ARHGAP22: variants seen among roughly 807,000 people sequenced by gnomAD.
The protein encoded by ARHGAP22 is Rho GTPase activating protein 22.
In ARHGAP22, 48 loss-of-function variants were observed where a neutral mutation model predicts 59.1. That is an observed-to-expected ratio of 0.81 (90% confidence interval 0.64 to 1.03). The LOEUF (loss-of-function observed/expected upper bound fraction) is 1.03, where lower values mean the gene tolerates loss of function less well. Ranked by LOEUF, ARHGAP22 falls within the 50% of genes least tolerant of loss-of-function variation. ARHGAP22 has a pLI of 0.00. For missense variants in ARHGAP22, 1,015 were observed against 958.7 expected (o/e 1.06, Z -0.78); for synonymous variants, 445 against 416.4 (o/e 1.07, Z -0.84).
chr10:48,604,955 T>A lies in ARHGAP22; in HGVS notation c.-159A>T. On this transcript the variant is annotated 5_prime_UTR_variant, in exon 1 of 10. Transcript: ENST00000249601. ...GGCTCCCTCGGCTACCTCTCCTGGC[T>A]CCGGACGGACGGCTCGCCTTGGACT... is the stretch of plus-strand genomic sequence containing the variant. The A allele has an allele frequency of 6.6e-7, 1 of 1,519,066 alleles. No individual in the cohort carries two copies. The highest frequency in any genetic ancestry group is 1.2e-5 in the South Asian group (1 of 82,108). 94.1% of individuals were successfully genotyped at this position (1,519,066 alleles called of 1,614,324 possible).
chr10:48,455,729 G>T (rs2046432858), intron 5 of ARHGAP22, among the ~76,000 whole-genome samples: 1 of 152,246 alleles, frequency 6.6e-6, no homozygotes, highest in East Asian at 1.9e-4. Flanking sequence ...GCCCGAGCTT[G>T]CCCTCTCCAC....
At chr10:48,551,830 A>T (rs1386639956) in intron 3 of ARHGAP22, among the ~76,000 whole-genome samples, 4 of 152,234 alleles carry the variant, frequency 2.6e-5, no homozygotes. Flanking sequence ...AAGACCTCCC[A>T]GCCCAGATGG....
At chr10:48,588,900 C>T (rs370408219) in intron 1 of ARHGAP22, among the ~76,000 whole-genome samples, 14 of 152,266 alleles carry the variant, frequency 9.2e-5, no homozygotes, top group African/African-American at 3.4e-4. Flanking sequence ...CCCTCCACCC[C>T]GTGGAGGGAG....
chr10:48,632,006 G>T (rs908087029), intron 1 of ARHGAP22, among the ~76,000 whole-genome samples: 6 of 152,084 alleles, frequency 3.9e-5, no homozygotes, highest in African/African-American at 1.4e-4. Flanking sequence ...TGGGGTACAG[G>T]TGGTTTTGGT....
intron 1 of ARHGAP22, among the ~76,000 whole-genome samples, chr10:48,618,928 A>T (rs867131490): frequency 7.2e-5 from 11 of 152,162 alleles, no homozygotes; most frequent in Admixed American, 2.0e-4. Flanking sequence ...TTTGCAAATG[A>T]CATGATCTTA....
At chr10:48,627,666 C>T (rs776074403) in intron 1 of ARHGAP22, among the ~76,000 whole-genome samples, 3 of 152,248 alleles carry the variant, frequency 2.0e-5, no homozygotes, top group Non-Finnish European at 4.4e-5. Flanking sequence ...CAGCATCTTG[C>T]TCTTCTGGTC....
intron 3 of ARHGAP22, among the ~76,000 whole-genome samples, chr10:48,549,585 A>G (rs1318507357): frequency 6.6e-6 from 1 of 152,172 alleles, no homozygotes; most frequent in Non-Finnish European, 1.5e-5. Context: ...TTTCTGCTGC[A>G]GAGACCTCAC....
At chr10:48,578,138 C>A (rs935292) in intron 2 of ARHGAP22, among the ~76,000 whole-genome samples, 1 of 152,072 alleles carries the variant, frequency 6.6e-6, no homozygotes, top group Non-Finnish European at 1.5e-5. Flanking sequence ...TTAACCTTCA[C>A]CCAGTGCTCC....
intron 1 of ARHGAP22, among the ~76,000 whole-genome samples, chr10:48,641,586 G>T (rs553992958): frequency 1.3e-5 from 2 of 152,202 alleles, no homozygotes; most frequent in African/African-American, 4.8e-5. Context: ...GTATTGATGG[G>T]ACGTATCTCA....
At chr10:48,451,629 C>A (rs1398370537) in intron 8 of ARHGAP22, 13 of 685,786 alleles carry the variant, frequency 1.9e-5, no homozygotes, top group South Asian at 1.4e-4. Flanking sequence ...CACACACATA[C>A]AATTGCACAC....
chr10:48,446,231 G>T lies in ARHGAP22; in HGVS notation c.*160C>A. Reference sequence around the variant, plus strand: ...CATCTGATCCCACCTGGAGTGTGTGGGGTCCCAAAAGTCCCCACAGTCCCC... The same window carrying T: ...CATCTGATCCCACCTGGAGTGTGTGTGGTCCCAAAAGTCCCCACAGTCCCC... On this transcript the variant is annotated 3_prime_UTR_variant, in exon 10 of 10. Coordinates refer to ENST00000249601, the MANE Select transcript of ARHGAP22 (RefSeq NM_021226.4). The T allele has an allele frequency of 1.4e-6, 1 of 706,306 alleles. No individual in the cohort carries two copies. Among genetic ancestry groups the T allele is most frequent in the Non-Finnish European group, 2.3e-6 (1 of 427,336 alleles). 43.8% of individuals were successfully genotyped at this position (706,306 alleles called of 1,614,324 possible).
Position 48,450,454 on chromosome 10 carries a change from C to T in ARHGAP22, c.1675G>A (p.Glu559Lys), listed in dbSNP as rs1003561932. Residue 559 changes from glutamate to lysine, a missense_variant, in exon 9 of 10, where the codon GAG (glutamate) becomes AAG (lysine). By Grantham distance (56) the Glu-to-Lys change is moderately conservative. Coordinates refer to ENST00000249601, the MANE Select transcript of ARHGAP22 (RefSeq NM_021226.4). The part of the protein sequence containing the change: ...LEPSPLPSSS[E>K]DPKSLDLDHS... ...TCCAGGTCCAGGGACTTGGGGTCCT[C>T]GCTGCTGCTGGGGAGCGGGGAGGGC... The T allele has an allele frequency of 6.4e-7, 1 of 1,550,896 alleles. No homozygotes were observed. The highest frequency in any genetic ancestry group is 1.2e-5 in the South Asian group (1 of 83,398).
upstream of ARHGAP22, among the ~76,000 whole-genome samples, chr10:48,605,366 C>G (rs1476648908): frequency 6.7e-6 from 1 of 148,256 alleles, no homozygotes. Context: ...CCACGGGGAC[C>G]CGCTTATGAG....
At chr10:48,554,517 T>C (rs1487841823) in intron 3 of ARHGAP22, among the ~76,000 whole-genome samples, 1 of 152,188 alleles carries the variant, frequency 6.6e-6, no homozygotes, top group Non-Finnish European at 1.5e-5. Flanking sequence ...TCCTCAGCAC[T>C]CACTGTTCCC....
intron 1 of ARHGAP22, among the ~76,000 whole-genome samples, chr10:48,591,628 G>C (rs1267218269): frequency 2.0e-5 from 3 of 152,044 alleles, no homozygotes; most frequent in Non-Finnish European, 2.9e-5. Flanking sequence ...GTAATCCTAA[G>C]TCACATATAG....
At chr10:48,634,281 C>T (rs74130600) in intron 1 of ARHGAP22, among the ~76,000 whole-genome samples, 1 of 152,138 alleles carries the variant, frequency 6.6e-6, no homozygotes, top group Non-Finnish European at 1.5e-5. Flanking sequence ...TAGCTGTGAG[C>T]TTTTGGCAAG....
intron 3 of ARHGAP22, among the ~76,000 whole-genome samples, 162 bp downstream of exon 3, chr10:48,555,301 C>G (rs528826501): frequency 3.3e-5 from 5 of 152,212 alleles, no homozygotes; most frequent in African/African-American, 1.2e-4. Context: ...AATTTCTTCC[C>G]CATGTGAGTA....
At chr10:48,436,970 A>T in the ARHGAP22 span, 1 of 152,228 alleles carries the variant, frequency 6.6e-6, no homozygotes, top group African/African-American at 2.4e-5. Context: ...TGTAGCATAG[A>T]TTATGTCACT....
rs554388852 is a variant in ARHGAP22, at chr10:48,459,328, G to A, written c.659+356C>T. Among the ~76,000 whole-genome samples the A allele has an allele frequency of 3.5e-5, 5 of 142,182 alleles. No homozygotes were observed. The South Asian group carries it at 1.2e-3, about 35-fold the overall frequency. 93.3% of individuals were successfully genotyped at this position (142,182 alleles called of 152,430 possible). ...GGGGGTAGGTCACCGGAGGAAGCAC[G>A]GCCAAGAGACAGACCCCGCAGAAGG... On this transcript the variant is annotated intron_variant, in intron 5 of 9. Coordinates refer to ENST00000249601, the MANE Select transcript of ARHGAP22 (RefSeq NM_021226.4).
Sources: allele counts gnomAD v4.1 joint callset (sites outside exome capture counted in the v4.1 genomes callset), GRCh38; gene constraint gnomAD v4.1.1; transcripts MANE v1.5; gene names NCBI Gene and HGNC (gene_info 2026-07-23, HGNC 2026-07-21).